The following SV2B variants were observed in gnomAD, a reference collection of about 807,000 sequenced individuals.
The protein encoded by SV2B is synaptic vesicle glycoprotein 2B, also known as solute carrier family 22 member B2.
A neutral mutation model predicts 73.9 loss-of-function variants in SV2B; 41 were observed. That is an observed-to-expected ratio of 0.56 (90% CI 0.43 to 0.72). The LOEUF (loss-of-function observed/expected upper bound fraction) is 0.72. Ranked by LOEUF, SV2B falls within the 30% of genes least tolerant of loss-of-function variation. The pLI, the probability that SV2B is intolerant of heterozygous loss-of-function variation, is 0.00. For synonymous variants in SV2B, 314 were observed against 314.2 expected (o/e 1.00, Z 0.01); for missense variants, 764 against 857.8 (o/e 0.89, Z 1.37).
At position 91,292,373 on chromosome 15, in the gene SV2B, A is replaced by G. The variant is rs778093431; in HGVS notation, c.1873A>G (p.Thr625Ala). 1.9e-6 allele frequency: 3 copies of G among 1,613,812 alleles called. No homozygotes were observed. The highest frequency in any genetic ancestry group is 2.2e-5 in the East Asian group (1 of 44,868). ...VELYPTNQRA[T>A]AFGILNGLCK... ...ATTTCCATTCCTCTTTTACAGAGCA[A>G]CAGCCTTCGGCATTCTCAATGGATT... is the stretch of plus-strand genomic sequence containing the variant. The change falls in exon 13 of 13, where the codon ACA (threonine) becomes GCA (alanine). Residue 625 changes from threonine to alanine, a missense_variant. By Grantham distance (58) the Thr-to-Ala change is moderately conservative. Coordinates refer to ENST00000394232, the MANE Select transcript of SV2B (RefSeq NM_001323032.3).
chr15:91,259,038 G>C (rs2047811354), intron 5 of SV2B, among the ~76,000 whole-genome samples: 1 of 152,008 alleles, frequency 6.6e-6, no homozygotes, highest in African/African-American at 2.4e-5. Context: ...CAAGGCTGGA[G>C]ACAGCCATGG....
intron 1 of SV2B, among the ~76,000 whole-genome samples, chr15:91,108,880 C>G (rs1458931150): frequency 6.6e-6 from 1 of 152,230 alleles, no homozygotes; most frequent in Non-Finnish European, 1.5e-5. Flanking sequence ...CTTCAGCTCC[C>G]ACACAGAAGC....
intron 4 of SV2B, among the ~76,000 whole-genome samples, chr15:91,257,873 C>T (rs920832623): frequency 6.6e-6 from 1 of 152,170 alleles, no homozygotes; most frequent in Non-Finnish European, 1.5e-5. Context: ...ACAGGAGTGC[C>T]CATTCTCATC....
intron 1 of SV2B, among the ~76,000 whole-genome samples, chr15:91,161,793 T>C (rs183311973): frequency 1.3e-5 from 2 of 152,366 alleles, no homozygotes; most frequent in South Asian, 2.1e-4. Flanking sequence ...GTTAATCTGG[T>C]ATTCAGTGTC....
chr15:91,249,109 T>C (rs8027769), intron 2 of SV2B, among the ~76,000 whole-genome samples: 3,736 of 90,320 alleles, frequency 0.041, 54 homozygotes, highest in African/African-American at 0.051. Flanking sequence ...CACACACACA[T>C]GTTTATGATC....
intron 1 of SV2B, among the ~76,000 whole-genome samples, chr15:91,153,571 C>T (rs936755455): frequency 2.6e-5 from 4 of 152,108 alleles, no homozygotes; most frequent in African/African-American, 9.7e-5. Context: ...CTGTTAGCTC[C>T]ATGTCTGTCA....
chr15:91,244,760 G>C (rs974417418), intron 2 of SV2B, among the ~76,000 whole-genome samples: 1 of 152,180 alleles, frequency 6.6e-6, no homozygotes, highest in African/African-American at 2.4e-5. Flanking sequence ...TTCAAGGGGG[G>C]TATATTTGGT....
rs781083528 is a variant in SV2B at position 91,132,164 on chromosome 15, C to T, written c.-392+31801C>T. ...AAATGAAAGTACACTCCAGTGTGGC[C>T]GCAGACCCCAGCAGCGGCTCAAGAG... On this transcript the variant is annotated intron_variant, in intron 1 of 12. Coordinates refer to ENST00000394232, the MANE Select transcript of SV2B (RefSeq NM_001323032.3). The surrounding 1 kb of genome is among the most constrained non-coding windows in gnomAD (Gnocchi z 4.6). Among the ~76,000 whole-genome samples, 7 of 152,132 alleles carry T rather than the reference C, an allele frequency of 4.6e-5. No individual in the cohort carries two copies. The highest frequency in any genetic ancestry group is 2.1e-4 in the South Asian group (1 of 4,812).
intron 1 of SV2B, among the ~76,000 whole-genome samples, chr15:91,187,527 A>G (rs985995344): frequency 1.3e-5 from 2 of 152,204 alleles, no homozygotes; most frequent in Non-Finnish European, 2.9e-5. Flanking sequence ...CCCCATTCTA[A>G]TATATAATGC....
Position 91,292,414 on chromosome 15 carries a change from C to A in SV2B, c.1914C>A (p.Ala638=). 6.2e-7 allele frequency: 1 copy of A among 1,614,170 alleles called. No homozygotes were observed. The highest frequency in any genetic ancestry group is 8.5e-7 in the Non-Finnish European group (1 of 1,180,038). ...TCAATGGATTATGCAAATTTGGCGC[C>A]ATCCTGGGAAACACCATCTTTGCTT... The part of the protein sequence containing the change: ...GILNGLCKFG[A]ILGNTIFASF... The change falls in exon 13 of 13, where the codon GCC becomes GCA. Residue 638 remains alanine (A), a synonymous_variant. Transcript: ENST00000394232.
intron 5 of SV2B, among the ~76,000 whole-genome samples, chr15:91,259,109 T>TATAA (rs60315590): frequency 0.092 from 13,910 of 150,652 alleles, 1,331 homozygotes; most frequent in African/African-American, 0.24. Context: ...AAAATAAAAA[T>TATAA]ATAAATAAAT....
chr15:91,274,168 G>T (rs191990486), intron 9 of SV2B, among the ~76,000 whole-genome samples: 44 of 152,144 alleles, frequency 2.9e-4, no homozygotes, highest in African/African-American at 1.0e-3. Flanking sequence ...AAATAAAGCT[G>T]CAAAAAGTGT....
intron 1 of SV2B, among the ~76,000 whole-genome samples, chr15:91,221,099 CA>C (rs1262068793): frequency 2.6e-5 from 4 of 152,092 alleles, no homozygotes; most frequent in Non-Finnish European, 5.9e-5. Flanking sequence ...CTCCTGGAAT[CA>C]AGCAATCCTC....
intron 9 of SV2B, among the ~76,000 whole-genome samples, chr15:91,275,375 T>G (rs980948237): frequency 1.3e-5 from 2 of 152,234 alleles, no homozygotes; most frequent in Non-Finnish European, 1.5e-5. Flanking sequence ...TACTTCACTT[T>G]TAGTGTAAGA....
At chr15:91,200,898 A>G (rs764394303) in intron 1 of SV2B, among the ~76,000 whole-genome samples, 1 of 152,186 alleles carries the variant, frequency 6.6e-6, no homozygotes, top group African/African-American at 2.4e-5. Context: ...GTGATGGAGA[A>G]CCTGTCTCTG....
chr15:91,143,676 C>T (rs531789568), intron 1 of SV2B, among the ~76,000 whole-genome samples: 44 of 151,610 alleles, frequency 2.9e-4, no homozygotes, highest in African/African-American at 9.1e-4. Flanking sequence ...TTGTTGGGTG[C>T]AGACCCATTT....
Position 91,299,154 on chromosome 15 carries a change from A to T in SV2B, c.*6602A>T, listed in dbSNP as rs1001960234. 1 of 152,208 alleles carries T rather than the reference A, an allele frequency of 6.6e-6. No homozygotes were observed. The highest frequency in any genetic ancestry group is 1.5e-5 in the Non-Finnish European group (1 of 68,034). 9.4% of individuals were successfully genotyped at this position (152,208 alleles called of 1,614,324 possible). ...TACACCATAAATATATAGAAGTTTT[A>T]CTTGTCAATTAAAACTATAAATAAA... On this transcript the variant is annotated 3_prime_UTR_variant, in exon 13 of 13. Transcript: ENST00000394232.
At chr15:91,210,487 C>T (rs2045816996) in intron 1 of SV2B, among the ~76,000 whole-genome samples, 1 of 152,148 alleles carries the variant, frequency 6.6e-6, no homozygotes, top group Admixed American at 6.5e-5. Flanking sequence ...AAAGTCAGAG[C>T]AGAGGCAAAT....
intron 1 of SV2B, among the ~76,000 whole-genome samples, chr15:91,202,953 G>A (rs368458829): frequency 3.2e-4 from 48 of 152,282 alleles, no homozygotes; most frequent in African/African-American, 1.1e-3. Flanking sequence ...CCCAGCAGCT[G>A]GGGAGTGAGG....
Sources: gnomAD v4.1 joint callset for allele counts (sites outside exome capture counted in the v4.1 genomes callset) on GRCh38, gnomAD v4.1.1 for gene constraint, Gnocchi (gnomAD v3.1) non-coding constraint, MANE v1.5 for transcripts, NCBI Gene and HGNC (gene_info 2026-07-23, HGNC 2026-07-21) for gene names.